The following FLT4 variants were observed in gnomAD, a reference collection of about 807,000 sequenced individuals.
FLT4 encodes fms related receptor tyrosine kinase 4.
A neutral mutation model predicts 163.2 loss-of-function variants in FLT4; 30 were observed. The ratio of observed to expected loss-of-function variants is 0.18; its 90% CI spans 0.14 to 0.25. The LOEUF is 0.25. Ranked by LOEUF, FLT4 falls within the 10% of genes least tolerant of loss-of-function variation. FLT4 has a pLI of 1.00. For synonymous variants in FLT4, 884 were observed against 789.5 expected, an observed-to-expected ratio of 1.12 and a Z score of -2.01; for missense variants, 1,510 against 1,863.8, an observed-to-expected ratio of 0.81 and a Z score of 3.50.
At position 180,628,657 on chromosome 5, in the gene FLT4, G is replaced by A. The variant is rs932696037; in HGVS notation, c.1103+225C>T. ...CACACCCACATGTAACAGAAGGCTG[G>A]TACTGAAACCTTTCACAGTGTGGCA... On this transcript the variant is annotated intron_variant, in intron 8 of 29. Transcript: ENST00000261937. Among the ~76,000 whole-genome samples the A allele has an allele frequency of 6.6e-5, 10 of 152,214 alleles. No homozygotes were observed. The South Asian group carries it at 1.9e-3, about 28-fold the overall frequency.
At chr5:180,637,041 A>C (rs948920907) in intron 1 of FLT4, among the ~76,000 whole-genome samples, 5 of 152,122 alleles carry the variant, frequency 3.3e-5, no homozygotes, top group Admixed American at 6.5e-5. Flanking sequence ...CAGCATCGAC[A>C]GGGCGAAATC....
At position 180,619,343 on chromosome 5, in the gene FLT4, G is replaced by T; in HGVS notation, c.2671C>A (p.Arg891Ser). The T allele has an allele frequency of 6.2e-7, 1 of 1,610,520 alleles. No individual in the cohort carries two copies. Among genetic ancestry groups the T allele is most frequent in the Non-Finnish European group, 8.5e-7 (1 of 1,179,170 alleles). The change falls in exon 19 of 30, where the codon CGC becomes AGC. Residue 891 changes from arginine (R) to serine (S), a missense_variant. Physicochemically the swap from Arg to Ser is moderately radical, Grantham distance 110. Transcript: ENST00000261937. ...LKEGATASEH[R>S]ALMSELKILI... ...ATCTTGAGCTCCGACATCAGCGCGC[G>T]GTGCTCGCTGGCCGTGGCGCCCTCT...
intron 27 of FLT4, 96 bp from the exon 28 acceptor site, chr5:180,610,121 GGACCCCCC>G: frequency 6.3e-7 from 1 of 1,578,638 alleles, no homozygotes; most frequent in Non-Finnish European, 8.7e-7. Flanking sequence ...CTCCTGGAAA[GGACCCCCC>G]GCCTGGGGCA....
intron 28 of FLT4, 127 bp from the exon 29 acceptor site, chr5:180,609,180 C>A: frequency 1.3e-6 from 1 of 770,856 alleles, no homozygotes; most frequent in Non-Finnish European, 2.3e-6. Flanking sequence ...CCCTGGGAAG[C>A]TGAGCCAGAA....
intron 29 of FLT4, among the ~76,000 whole-genome samples, chr5:180,607,353 G>C (rs1761856944): frequency 6.6e-6 from 1 of 152,036 alleles, no homozygotes; most frequent in Non-Finnish European, 1.5e-5. Context: ...AAAGAAAACA[G>C]TGGCCGGGCG....
rs1763054869 is a variant in FLT4, at chr5:180,620,629, T to G, written c.2386A>C (p.Ile796Leu). ...AVFFWVLLLLIFCNMRRPAHA... is the reference protein window; with the variant it reads ...AVFFWVLLLLLFCNMRRPAHA... ...CTCACCCTCCTCATGTTACAGAAGA[T>G]GAGGAGGAGGAGGACCCAGAAGAAG... Residue 796 changes from isoleucine to leucine, a missense_variant, in exon 16 of 30, where the codon ATC (isoleucine) becomes CTC (leucine). Coordinates refer to ENST00000261937, the MANE Select transcript of FLT4 (RefSeq NM_182925.5). This position sits in a 1 kb window ranked among gnomAD's most constrained non-coding sequence, Gnocchi z 4.4. 6.2e-7 allele frequency: 1 copy of G among 1,610,690 alleles called. No homozygotes were observed. The highest frequency in any genetic ancestry group is 1.1e-5 in the South Asian group (1 of 90,992).
chr5:180,645,539 A>T (rs1472301226), intron 1 of FLT4, among the ~76,000 whole-genome samples: 2 of 152,206 alleles, frequency 1.3e-5, no homozygotes, highest in Non-Finnish European at 2.9e-5. Context: ...GTGGCCGACA[A>T]GTCCTTTCCC....
chr5:180,613,152 G>A (rs747247222), intron 24 of FLT4, 42 bp from the exon 25 acceptor site: 4 of 1,460,988 alleles, frequency 2.7e-6, no homozygotes, highest in Non-Finnish European at 3.8e-6. Flanking sequence ...CAAGCCTCCT[G>A]CGGCTCAGCC....
chr5:180,649,292 C>T (rs1164322976), intron 1 of FLT4, among the ~76,000 whole-genome samples, 196 bp downstream of exon 1: 1 of 151,850 alleles, frequency 6.6e-6, no homozygotes, highest in Non-Finnish European at 1.5e-5. Flanking sequence ...GACCCGGCTG[C>T]GGTCCCCGCC....
At chr5:180,611,672 C>T (rs1762214983) in intron 26 of FLT4, 193 bp from the exon 27 acceptor site, 1 of 598,996 alleles carries the variant, frequency 1.7e-6, no homozygotes, top group Non-Finnish European at 2.9e-6. Flanking sequence ...GCTTGGGCTC[C>T]TGACCCCTGA....
chr5:180,620,910 G>A lies in FLT4; in HGVS notation c.2265C>T (p.Gly755=), dbSNP rs145194848. Residue 755 remains glycine, a synonymous_variant, in exon 15 of 30, where the codon GGC becomes GGT. Coordinates refer to ENST00000261937, the MANE Select transcript of FLT4 (RefSeq NM_182925.5). The surrounding 1 kb of genome is among the most constrained non-coding windows in gnomAD (Gnocchi z 4.4). The part of the protein sequence containing the change: ...RYLCSVCNAK[G]CVNSSASVAV... The stretch of plus-strand genomic sequence containing the variant: ...CCACGCTGGCGGAGGAGTTGACGCA[G>A]CCCTTGGCGTTGCACACGCTGCACA... 1 of 1,610,146 alleles carries A rather than the reference G, an allele frequency of 6.2e-7. No homozygotes were observed.
chr5:180,636,786 G>A lies in FLT4; in HGVS notation c.59-5008C>T, dbSNP rs550766856. ...CCCTGTTCTTGATCCACATCCTTCA[G>A]CCTCATCAAAGCCCCCACTGCTTCC... On this transcript the variant is annotated intron_variant, in intron 1 of 29. Transcript: ENST00000261937. The surrounding 1 kb of genome is among the most constrained non-coding windows in gnomAD (Gnocchi z 4.3). Among the ~76,000 whole-genome samples the A allele has an allele frequency of 5.9e-5, 9 of 152,048 alleles. No individual in the cohort carries two copies. In the South Asian group the frequency reaches 1.9e-3, roughly 32 times the overall value.
intron 29 of FLT4, 101 bp downstream of exon 29, chr5:180,608,867 G>A (rs1761957552): frequency 1.9e-6 from 2 of 1,041,750 alleles, no homozygotes; most frequent in Non-Finnish European, 3.0e-6. Flanking sequence ...AGCCACGAAA[G>A]GTTCCGGGAA....
chr5:180,620,159 G>A lies in FLT4; in HGVS notation c.2542+14C>T, dbSNP rs2127810510. ...GCAGGAGGTGTGGGTTGGGCAGGCTGGTGCTGGCCTCACCCAGGTGCAGCC... is the reference window on the plus strand; with the variant it reads ...GCAGGAGGTGTGGGTTGGGCAGGCTAGTGCTGGCCTCACCCAGGTGCAGCC... On this transcript the variant is annotated intron_variant, in intron 17 of 29. Coordinates refer to ENST00000261937, the MANE Select transcript of FLT4 (RefSeq NM_182925.5). This position sits in a 1 kb window ranked among gnomAD's most constrained non-coding sequence, Gnocchi z 4.4. The A allele has an allele frequency of 6.2e-7, 1 of 1,602,396 alleles. No individual in the cohort carries two copies. Among genetic ancestry groups the A allele is most frequent in the Non-Finnish European group, 8.5e-7 (1 of 1,177,844 alleles).
chr5:180,649,539 G>A lies in FLT4; in HGVS notation c.7C>T (p.Arg3Trp), dbSNP rs748586738. Reference sequence around the variant, plus strand: ...AGTCGCAGGCACAGCGCGGCGCCCCGCTGCATCTCCGGCCGCTGCGCGTGG... The same window carrying A: ...AGTCGCAGGCACAGCGCGGCGCCCCACTGCATCTCCGGCCGCTGCGCGTGG... MQ[R>W]GAALCLRLWL... Residue 3 changes from arginine to tryptophan, a missense_variant, in exon 1 of 30, where the codon CGG becomes TGG. Transcript: ENST00000261937. 125 of 1,436,020 alleles carry A rather than the reference G, an allele frequency of 8.7e-5. No individual in the cohort carries two copies. Among genetic ancestry groups the A allele is most frequent in the Non-Finnish European group, 1.0e-4 (114 of 1,094,286 alleles). The allele number at this position is 1,436,020 out of a possible 1,614,324, so 89.0% of individuals were successfully genotyped here.
chr5:180,619,886 C>G (rs1189121948), intron 17 of FLT4, 117 bp from the exon 18 acceptor site: 2 of 765,670 alleles, frequency 2.6e-6, no homozygotes, highest in South Asian at 1.6e-5. Context: ...GCAGGAGGAG[C>G]GTGGGGAGCC....
chr5:180,616,585 T>C (rs1210494168), intron 22 of FLT4, 96 bp from the exon 23 acceptor site: 4 of 1,376,892 alleles, frequency 2.9e-6, no homozygotes, highest in African/African-American at 2.8e-5. Flanking sequence ...GTGGGGACCA[T>C]GGGGATGCCC....
chr5:180,609,738 G>A, intron 28 of FLT4, 167 bp downstream of exon 28: 1 of 760,982 alleles, frequency 1.3e-6, no homozygotes, highest in Non-Finnish European at 2.3e-6. Context: ...TGTGAGTCGT[G>A]GCATCGCAGG....
rs765417203 is a variant in FLT4 at position 180,630,768 on chromosome 5, C to T, written c.187G>A (p.Gly63Arg). 3.1e-6 allele frequency: 5 copies of T among 1,607,396 alleles called. No individual in the cohort carries two copies. The highest frequency in any genetic ancestry group is 1.7e-5 in the Admixed American group (1 of 59,992). ...CCGGTGGCTGGCGCCTCCTGAGCTC[C>T]TGGCCAAGCCCACTCGAGGGGGTGC... ...GQHPLEWAWPGAQEAPATGDK... is the reference protein window; with the variant it reads ...GQHPLEWAWPRAQEAPATGDK... Residue 63 changes from glycine to arginine, a missense_variant, in exon 3 of 30, where the codon GGA becomes AGA. Gly to Arg is a moderately radical substitution (Grantham distance 125). Around this residue, in one of 5 missense-constraint regions of FLT4, gnomAD observed 157 missense variants for 178.7 expected, o/e 0.88. Transcript: ENST00000261937. This position sits in a 1 kb window ranked among gnomAD's most constrained non-coding sequence, Gnocchi z 6.3.
Sources: gnomAD v4.1 joint callset for allele counts (sites outside exome capture counted in the v4.1 genomes callset) on GRCh38, gnomAD v4.1.1 for gene constraint, gnomAD v4.1.1 regional missense constraint, Gnocchi (gnomAD v3.1) non-coding constraint, MANE v1.5 for transcripts, NCBI Gene and HGNC (gene_info 2026-07-23, HGNC 2026-07-21) for gene names.